Variants in MIPEP observed in about 807,000 individuals in gnomAD.
MIPEP encodes mitochondrial intermediate peptidase.
Under a neutral mutation model 90.3 loss-of-function variants are expected in MIPEP, and 79 were observed. The ratio of observed to expected loss-of-function variants is 0.87; its 90% confidence interval spans 0.73 to 1.05. The LOEUF (loss-of-function observed/expected upper bound fraction) is 1.05. Among genes scored for constraint, MIPEP ranks in the 50% least tolerant of loss-of-function variants. The pLI, the probability that MIPEP is intolerant of heterozygous loss-of-function variation, is 0.00. For missense variants in MIPEP, 940 were observed against 905.6 expected (o/e 1.04, Z -0.49); for synonymous variants, 334 against 315.8 (o/e 1.06, Z -0.61).
Position 23,839,710 on chromosome 13 carries a change from G to T in MIPEP, c.1277C>A (p.Ser426Tyr). 1 of 1,612,074 alleles carries T rather than the reference G, an allele frequency of 6.2e-7. No homozygotes were observed. Among genetic ancestry groups the T allele is most frequent in the Non-Finnish European group, 8.5e-7 (1 of 1,179,422 alleles). Residue 426 changes from serine (S) to tyrosine (Y), a missense_variant, in exon 12 of 19, where the codon TCT (serine) becomes TAT (tyrosine). Transcript: ENST00000382172. Reference sequence around the variant, plus strand: ...GTAAATGTACCCCAACAATCCTTCAGATTCATGAACAACAGCCTAGAAAAA... The same window carrying T: ...GTAAATGTACCCCAACAATCCTTCATATTCATGAACAACAGCCTAGAAAAA... ...DVRKLAVVHE[S>Y]EGLLGYIYCD...
At position 23,879,497 on chromosome 13, in the gene MIPEP, C is replaced by T. The variant is rs182795291; in HGVS notation, c.453-143G>A. 2.2e-3 allele frequency: 1,260 copies of T among 560,278 alleles called. 9 individuals carry two copies. In the Middle Eastern group the frequency reaches 0.028, roughly 13 times the overall value. The allele number at this position is 560,278 out of a possible 1,614,324, so 34.7% of individuals were successfully genotyped here. A position where few individuals can be genotyped will look rare whatever the true frequency, so the allele number is the denominator to read the frequency against. ...ACCTACCAGGAACAGTGTAACCATC[C>T]TTCCTTCCTTCTTTCCTTCCCTTCT... On this transcript the variant is annotated intron_variant, in intron 3 of 18. Coordinates refer to ENST00000382172, the MANE Select transcript of MIPEP (RefSeq NM_005932.4).
rs1164749711 is a variant in MIPEP at position 23,813,024 on chromosome 13, TGTTA to T, written c.1654-3104_1654-3101del. 1.7e-4 allele frequency among the ~76,000 whole-genome samples: 26 copies of T among 152,356 alleles called. 5 individuals are homozygous for T. The highest frequency in any genetic ancestry group is 7.8e-4 in the Admixed American group (12 of 15,308). The stretch of plus-strand genomic sequence containing the variant: ...TTCTTTTTAAAAAAACTAGTTTGAT[TGTTA>T]GTCAACTGGAATTAATAAGTGTATT... On this transcript the variant is annotated intron_variant, in intron 14 of 18. Transcript: ENST00000382172.
chr13:23,844,973 T>G (rs1217725142), intron 10 of MIPEP, among the ~76,000 whole-genome samples: 1 of 152,160 alleles, frequency 6.6e-6, no homozygotes, highest in Non-Finnish European at 1.5e-5. Context: ...TATACTGTCT[T>G]GTCCCCTGGC....
intron 16 of MIPEP, among the ~76,000 whole-genome samples, chr13:23,804,769 T>G (rs1422641783): frequency 6.6e-6 from 1 of 152,252 alleles, no homozygotes; most frequent in Non-Finnish European, 1.5e-5. Context: ...AATTGTAGTT[T>G]ATTGATTAAC....
intron 14 of MIPEP, among the ~76,000 whole-genome samples, chr13:23,813,727 G>C (rs1953201888): frequency 6.6e-6 from 1 of 152,142 alleles, no homozygotes; most frequent in South Asian, 2.1e-4. Context: ...AAGATCTTGA[G>C]GGGCTAAGAC....
chr13:23,828,755 A>G (rs1193847491), intron 14 of MIPEP, among the ~76,000 whole-genome samples: 1 of 152,230 alleles, frequency 6.6e-6, no homozygotes, highest in Non-Finnish European at 1.5e-5. Flanking sequence ...CTAGAAATTT[A>G]ATGTAATCCC....
rs1232139513 is a variant in MIPEP at position 23,889,314 on chromosome 13, A to G, written c.7T>C (p.Cys3Arg). ...CCCAAGCCGCCCAGCCTTCCGACGC[A>G]CAGCATTCTAGCACCAGAGCAGTCC... ML[C>R]VGRLGGLGAR... The change falls in exon 1 of 19, where the codon TGC (cysteine) becomes CGC (arginine). Residue 3 changes from cysteine (C) to arginine (R), a missense_variant. Physicochemically the swap from Cys to Arg is radical, Grantham distance 180. Coordinates refer to ENST00000382172, the MANE Select transcript of MIPEP (RefSeq NM_005932.4). 5.2e-6 allele frequency: 7 copies of G among 1,346,628 alleles called. No individual in the cohort carries two copies. In the East Asian group the frequency reaches 2.2e-4, roughly 42 times the overall value. 83.4% of individuals were successfully genotyped at this position (1,346,628 alleles called of 1,614,324 possible).
chr13:23,802,525 A>G (rs542267728), intron 16 of MIPEP, among the ~76,000 whole-genome samples: 4 of 152,240 alleles, frequency 2.6e-5, no homozygotes, highest in African/African-American at 7.2e-5. Context: ...CCGAGACTGC[A>G]CCACTGCACT....
chr13:23,852,219 G>A (rs1439864751), intron 10 of MIPEP, among the ~76,000 whole-genome samples: 4 of 152,074 alleles, frequency 2.6e-5, no homozygotes, highest in African/African-American at 7.2e-5. Flanking sequence ...ACAAGCTAAC[G>A]GGGAAAAAAG....
chr13:23,817,199 C>A (rs1163571595), intron 14 of MIPEP, among the ~76,000 whole-genome samples: 2 of 152,150 alleles, frequency 1.3e-5, no homozygotes, highest in Non-Finnish European at 2.9e-5. Flanking sequence ...GGCTTAGCCT[C>A]CAAAGGAGAA....
intron 14 of MIPEP, among the ~76,000 whole-genome samples, chr13:23,811,728 A>T (rs1953173525): frequency 6.6e-6 from 1 of 152,180 alleles, no homozygotes; most frequent in Admixed American, 6.5e-5. Flanking sequence ...ATTTCAACAA[A>T]CCAAGAGATG....
chr13:23,762,518 TG>T (rs1004733044), intron 16 of MIPEP, among the ~76,000 whole-genome samples: 6 of 152,158 alleles, frequency 3.9e-5, no homozygotes, highest in African/African-American at 1.4e-4. Flanking sequence ...ATTTAGGACA[TG>T]GGGGCAGCAC....
chr13:23,730,951 T>C (rs1275053291), intron 18 of MIPEP, among the ~76,000 whole-genome samples: 2 of 152,212 alleles, frequency 1.3e-5, no homozygotes, highest in African/African-American at 4.8e-5. Context: ...CTTTGCAACT[T>C]AGTAACTGTG....
At chr13:23,825,571 G>C (rs1322527404) in intron 14 of MIPEP, among the ~76,000 whole-genome samples, 4 of 152,206 alleles carry the variant, frequency 2.6e-5, no homozygotes, top group Admixed American at 2.0e-4. Context: ...ATTGTCAGAA[G>C]TTTAGGCGAT....
At chr13:23,772,286 C>T (rs953306961) in intron 16 of MIPEP, among the ~76,000 whole-genome samples, 3 of 149,826 alleles carry the variant, frequency 2.0e-5, no homozygotes, top group Non-Finnish European at 3.0e-5. Context: ...TTCCAAAATT[C>T]CTGATGCAAG....
chr13:23,824,954 T>C (rs1230752661), intron 14 of MIPEP, among the ~76,000 whole-genome samples: 2 of 152,218 alleles, frequency 1.3e-5, no homozygotes, highest in South Asian at 2.1e-4. Flanking sequence ...TAATGTGTGA[T>C]AGGGATCCAA....
At chr13:23,743,534 T>C (rs1952353112) in intron 18 of MIPEP, among the ~76,000 whole-genome samples, 1 of 152,256 alleles carries the variant, frequency 6.6e-6, no homozygotes, top group African/African-American at 2.4e-5. Flanking sequence ...CTGTGCTGGA[T>C]TGGTATCTGT....
intron 3 of MIPEP, among the ~76,000 whole-genome samples, chr13:23,880,139 C>G (rs1435233654): frequency 6.6e-6 from 1 of 152,084 alleles, no homozygotes; most frequent in Non-Finnish European, 1.5e-5. Context: ...ACTCCTGTTC[C>G]TCAGTTGGTT....
intron 14 of MIPEP, among the ~76,000 whole-genome samples, chr13:23,811,423 T>C (rs1055029136): frequency 6.6e-6 from 1 of 152,200 alleles, no homozygotes; most frequent in East Asian, 1.9e-4. Context: ...AAGAAAAATT[T>C]GGTTTATAGT....
Sources: allele counts gnomAD v4.1 joint callset (sites outside exome capture counted in the v4.1 genomes callset), GRCh38; gene constraint gnomAD v4.1.1; transcripts MANE v1.5; gene names NCBI Gene and HGNC (gene_info 2026-07-23, HGNC 2026-07-21).